ARID1B: variants seen among roughly 807,000 people sequenced by gnomAD.
ARID1B encodes AT-rich interaction domain 1B.
A neutral mutation model predicts 212.3 loss-of-function variants in ARID1B; 30 were observed. The ratio of observed to expected loss-of-function variants is 0.14; its 90% CI spans 0.11 to 0.19. The LOEUF (loss-of-function observed/expected upper bound fraction) is 0.19, where lower values mean the gene tolerates loss of function less well. ARID1B is among the 10% of genes least tolerant of loss of function. ARID1B has a pLI of 1.00. For missense variants in ARID1B, 2,891 were observed against 3,204.0 expected, an observed-to-expected ratio of 0.90 and a Z score of 2.36; for synonymous variants, 1,402 against 1,301.7, an observed-to-expected ratio of 1.08 and a Z score of -1.66.
chr6:156,941,683 AG>A (rs1792684798), intron 4 of ARID1B: 3 of 152,212 alleles, frequency 2.0e-5, no homozygotes. Context: ...AACTTGAACA[AG>A]GTAGGAAGCA....
chr6:157,126,590 A>G (rs1471080542), intron 6 of ARID1B, among the ~76,000 whole-genome samples: 1 of 152,158 alleles, frequency 6.6e-6, no homozygotes, highest in Non-Finnish European at 1.5e-5. Context: ...ACCCTGGTGC[A>G]GATTTATGTT....
chr6:157,156,491 A>G (rs1790583435), intron 8 of ARID1B, among the ~76,000 whole-genome samples: 1 of 152,244 alleles, frequency 6.6e-6, no homozygotes. Flanking sequence ...AAGTGCATTT[A>G]TAAATCATCA....
At chr6:156,897,203 GCTGCTGCTGCTGCTGCTTCTTCTT>G (rs1323988760) in intron 2 of ARID1B, among the ~76,000 whole-genome samples, 179 of 74,704 alleles carry the variant, frequency 2.4e-3, no homozygotes, top group African/African-American at 8.7e-3. Context: ...TGCTGCTGCT[GCTGCTGCTGCTGCTGCTTCTTCTT>G]CTTCTTCTTC....
intron 4 of ARID1B, among the ~76,000 whole-genome samples, chr6:156,952,261 A>G (rs1793641516): frequency 6.6e-6 from 1 of 152,224 alleles, no homozygotes; most frequent in Non-Finnish European, 1.5e-5. Flanking sequence ...TTAATTGATG[A>G]GACTAGTGAT....
intron 19 of ARID1B, 81 bp downstream of exon 19, chr6:157,204,077 C>A: frequency 6.4e-7 from 1 of 1,554,202 alleles, no homozygotes; most frequent in Non-Finnish European, 8.9e-7. Flanking sequence ...GAACTAATGC[C>A]TGAGTTGATG....
At chr6:156,958,735 G>A (rs184134783) in intron 4 of ARID1B, among the ~76,000 whole-genome samples, 1 of 151,424 alleles carries the variant, frequency 6.6e-6, no homozygotes, top group East Asian at 1.9e-4. Flanking sequence ...CTTCCTTTTG[G>A]AAAAGTCAGT....
intron 4 of ARID1B, among the ~76,000 whole-genome samples, chr6:157,028,063 A>G (rs146177106): frequency 0.02 from 3,110 of 151,774 alleles, 117 homozygotes; most frequent in African/African-American, 0.071. Context: ...CTGTGTGTGT[A>G]TGTGTGTGTG....
intron 4 of ARID1B, chr6:157,022,241 A>T (rs879266145): frequency 2.0e-5 from 3 of 152,292 alleles, no homozygotes; most frequent in Non-Finnish European, 4.4e-5. Context: ...CTGTTACCCG[A>T]CGCACCGAGG....
intron 1 of ARID1B, among the ~76,000 whole-genome samples, chr6:156,795,435 T>G (rs1460107975): frequency 6.6e-6 from 1 of 152,216 alleles, no homozygotes; most frequent in Admixed American, 6.5e-5. Flanking sequence ...ATATTCATTA[T>G]GTACCCAGAT....
chr6:157,153,313 A>AT (rs1296022931), intron 8 of ARID1B, among the ~76,000 whole-genome samples: 1 of 152,238 alleles, frequency 6.6e-6, no homozygotes, highest in Non-Finnish European at 1.5e-5. Context: ...ACTGTGCAGT[A>AT]ATATCCAGTC....
intron 2 of ARID1B, among the ~76,000 whole-genome samples, chr6:156,875,931 A>T (rs1309266120): frequency 6.6e-6 from 1 of 152,230 alleles, no homozygotes; most frequent in African/African-American, 2.4e-5. Flanking sequence ...TACTTCTGTT[A>T]AAGAACTGCT....
At chr6:156,780,074 C>T (rs947300242) in intron 1 of ARID1B, among the ~76,000 whole-genome samples, 3 of 152,206 alleles carry the variant, frequency 2.0e-5, no homozygotes, top group Middle Eastern at 3.4e-3. Context: ...GCTTCGAGCT[C>T]GAACGTTTGC....
intron 4 of ARID1B, among the ~76,000 whole-genome samples, chr6:156,990,192 T>TA (rs1447927003): frequency 7.7e-6 from 1 of 129,680 alleles, no homozygotes; most frequent in East Asian, 2.2e-4. Flanking sequence ...TTTTTTTTTT[T>TA]AAAGAGAGTC....
At chr6:157,188,646 A>G (rs1422381047) in intron 13 of ARID1B, among the ~76,000 whole-genome samples, 1 of 152,240 alleles carries the variant, frequency 6.6e-6, no homozygotes, top group Admixed American at 6.5e-5. Flanking sequence ...TTTTATCAGA[A>G]ACTCCATGAG....
intron 4 of ARID1B, among the ~76,000 whole-genome samples, chr6:157,038,621 A>G (rs1781490477): frequency 6.6e-6 from 1 of 152,244 alleles, no homozygotes; most frequent in African/African-American, 2.4e-5. Context: ...AAATTATTCT[A>G]AATAGAACCT....
chr6:157,132,765 C>T (rs1376159952), intron 6 of ARID1B, among the ~76,000 whole-genome samples: 1 of 152,174 alleles, frequency 6.6e-6, no homozygotes, highest in East Asian at 1.9e-4. Context: ...CTTTTCTCCT[C>T]CTTCTCCCCT....
Position 157,167,105 on chromosome 6 carries a change from C to G in ARID1B, c.3155C>G (p.Pro1052Arg), listed in dbSNP as rs1438921673. Residue 1052 changes from proline to arginine, a missense_variant, in exon 9 of 20, where the codon CCC becomes CGC. Pro to Arg is a moderately radical substitution (Grantham distance 103). This residue lies in a region of ARID1B where 1,643 missense variants were observed against 1,544.0 expected (regional missense o/e 1.06). Coordinates refer to ENST00000636930, the MANE Select transcript of ARID1B (RefSeq NM_001374828.1). ...GCTTCCAGCTCTCCCTACAGCCAGC[C>G]CATGAACAACAGCTCTAGCCTGATG... is the stretch of plus-strand genomic sequence containing the variant. ...LMASSSPYSQPMNNSSSLMNT... is the reference protein window; with the variant it reads ...LMASSSPYSQRMNNSSSLMNT... The G allele has an allele frequency of 6.2e-7, 1 of 1,612,668 alleles. No homozygotes were observed. The highest frequency in any genetic ancestry group is 1.1e-5 in the South Asian group (1 of 91,082).
At chr6:156,875,164 C>T (rs777247594) in intron 2 of ARID1B, among the ~76,000 whole-genome samples, 2 of 152,074 alleles carry the variant, frequency 1.3e-5, no homozygotes, top group African/African-American at 2.4e-5. Flanking sequence ...TCATTGTTCC[C>T]GCATTCCTTC....
chr6:157,157,680 T>C (rs1450616426), intron 8 of ARID1B, among the ~76,000 whole-genome samples: 1 of 152,234 alleles, frequency 6.6e-6, no homozygotes, highest in Non-Finnish European at 1.5e-5. Flanking sequence ...CTCTTAATCT[T>C]GGTCTTCATT....
Sources: allele counts gnomAD v4.1 joint callset (sites outside exome capture counted in the v4.1 genomes callset), GRCh38; gene constraint gnomAD v4.1.1; regional missense constraint gnomAD v4.1.1; transcripts MANE v1.5; gene names NCBI Gene and HGNC (gene_info 2026-07-23, HGNC 2026-07-21).